RGS6: variants seen among roughly 807,000 people sequenced by gnomAD.
RGS6 encodes regulator of G protein signaling 6.
A neutral mutation model predicts 78.5 loss-of-function variants in RGS6; 30 were observed. That is an observed-to-expected ratio of 0.38 (90% CI 0.29 to 0.52). The LOEUF (loss-of-function observed/expected upper bound fraction) is 0.52, where lower values mean the gene tolerates loss of function less well. Among genes scored for constraint, RGS6 ranks in the 20% least tolerant of loss-of-function variants. RGS6 has a pLI of 0.85. For synonymous variants in RGS6, 206 were observed against 206.0 expected, an observed-to-expected ratio of 1.00 and a Z score of 0.00; for missense variants, 495 against 609.7, an observed-to-expected ratio of 0.81 and a Z score of 1.98.
intron 2 of RGS6, among the ~76,000 whole-genome samples, chr14:72,012,646 AC>A (rs2086018567): frequency 6.6e-6 from 1 of 152,136 alleles, no homozygotes; most frequent in African/African-American, 2.4e-5. Flanking sequence ...TAAAAGTAGC[AC>A]CTTCCTTTCA....
At chr14:72,172,760 C>G (rs773845479) in intron 2 of RGS6, among the ~76,000 whole-genome samples, 3 of 152,104 alleles carry the variant, frequency 2.0e-5, no homozygotes, top group African/African-American at 7.2e-5. Flanking sequence ...ACAACAGTGA[C>G]CGAAACAAAG....
chr14:72,051,928 T>C (rs8016745), intron 2 of RGS6, among the ~76,000 whole-genome samples: 40,535 of 151,922 alleles, frequency 0.27, 5,736 homozygotes, highest in Admixed American at 0.32. Context: ...TTCCTTCCTC[T>C]ATAGATTCTA....
At chr14:71,945,710 T>G (rs1444972306) in intron 1 of RGS6, among the ~76,000 whole-genome samples, 1 of 152,202 alleles carries the variant, frequency 6.6e-6, no homozygotes, top group Non-Finnish European at 1.5e-5. Context: ...TGACCTTGGA[T>G]CTCAGGGTTG....
the RGS6 span, among the ~76,000 whole-genome samples, chr14:71,906,619 G>T: frequency 3.2e-3 from 494 of 152,250 alleles, 2 homozygotes; most frequent in Admixed American, 3.6e-3. Flanking sequence ...TCTCCTCCAT[G>T]ATACAGGAGA....
At chr14:71,941,591 C>T (rs2152958371) in intron 1 of RGS6, among the ~76,000 whole-genome samples, 1 of 152,298 alleles carries the variant, frequency 6.6e-6, no homozygotes, top group East Asian at 1.9e-4. Flanking sequence ...AGTCCCAAAA[C>T]TGAAGAACTT....
Position 72,562,393 on chromosome 14 carries a change from C to G in RGS6, c.1423-24C>G, listed in dbSNP as rs1470602143. On this transcript the variant is annotated intron_variant, in intron 17 of 17. Coordinates refer to ENST00000553525, the MANE Select transcript of RGS6 (RefSeq NM_001204424.2). ...CCTCTGTGTGTGCGCCTGTGCGTGCCTCTCTGTCGCTGTCTCTCTGCAGGG... is the reference window on the plus strand; with the variant it reads ...CCTCTGTGTGTGCGCCTGTGCGTGCGTCTCTGTCGCTGTCTCTCTGCAGGG... 4 of 1,609,840 alleles carry G rather than the reference C, an allele frequency of 2.5e-6. No homozygotes were observed. In the South Asian group the frequency reaches 4.4e-5, roughly 18 times the overall value.
At chr14:71,887,305 T>C in the RGS6 span, among the ~76,000 whole-genome samples, 2 of 152,176 alleles carry the variant, frequency 1.3e-5, no homozygotes, top group Non-Finnish European at 2.9e-5. Flanking sequence ...TTGAACAATA[T>C]GAAGTCAGCG....
At chr14:72,584,808 T>C in the RGS6 span, among the ~76,000 whole-genome samples, 25 of 152,310 alleles carry the variant, frequency 1.6e-4, no homozygotes, top group East Asian at 9.7e-4. Flanking sequence ...TAATATTGGA[T>C]CATGGAGTCA....
chr14:72,445,685 A>G (rs747524206), intron 3 of RGS6, among the ~76,000 whole-genome samples: 1 of 152,228 alleles, frequency 6.6e-6, no homozygotes, highest in Non-Finnish European at 1.5e-5. Context: ...TTTGAATACA[A>G]CTATCAACGA....
chr14:71,910,978 C>A, the RGS6 span, among the ~76,000 whole-genome samples: 1 of 152,114 alleles, frequency 6.6e-6, no homozygotes, highest in Admixed American at 6.5e-5. Flanking sequence ...TGAGTCTTGT[C>A]CTTTTTTCCA....
At chr14:72,205,151 C>T (rs961820053) in intron 2 of RGS6, among the ~76,000 whole-genome samples, 5 of 152,150 alleles carry the variant, frequency 3.3e-5, no homozygotes, top group African/African-American at 9.7e-5. Context: ...AAGGAGAAGC[C>T]TCCCCTGGAC....
At chr14:72,127,373 A>G (rs1373249423) in intron 2 of RGS6, among the ~76,000 whole-genome samples, 1 of 152,200 alleles carries the variant, frequency 6.6e-6, no homozygotes, top group Non-Finnish European at 1.5e-5. Context: ...CAGTTTTTAA[A>G]TTATGAGATT....
At chr14:72,357,991 C>A (rs1254218180) in intron 3 of RGS6, among the ~76,000 whole-genome samples, 1 of 152,108 alleles carries the variant, frequency 6.6e-6, no homozygotes, top group Non-Finnish European at 1.5e-5. Context: ...ACTTAATGCC[C>A]TGTGTCCCAG....
At chr14:72,060,183 CAT>C (rs948746292) in intron 2 of RGS6, among the ~76,000 whole-genome samples, 4 of 152,086 alleles carry the variant, frequency 2.6e-5, no homozygotes, top group African/African-American at 9.7e-5. Context: ...TTTAAAATCT[CAT>C]ATGAATCAAG....
At position 72,168,249 on chromosome 14, in the gene RGS6, G is replaced by A. The variant is rs72719861; in HGVS notation, c.85-183846G>A. 6.1e-3 allele frequency among the ~76,000 whole-genome samples: 924 copies of A among 152,104 alleles called. 5 individuals are homozygous for A. The highest frequency in any genetic ancestry group is 0.01 in the Non-Finnish European group (689 of 68,002). On this transcript the variant is annotated intron_variant, in intron 2 of 17. Transcript: ENST00000553525. ...ACTCAGGTGACCCAGCCTACATGTC[G>A]AGGATCCACGTAAACACCCCTCAAA...
chr14:72,279,216 A>G (rs2061195818), intron 2 of RGS6, among the ~76,000 whole-genome samples: 1 of 152,000 alleles, frequency 6.6e-6, no homozygotes. Context: ...GTGAGGTTGG[A>G]CTGAAACTCA....
rs1159397381 is a variant in RGS6 at position 71,977,852 on chromosome 14, G to A, written c.84+12977G>A. On this transcript the variant is annotated intron_variant, in intron 2 of 17. Transcript: ENST00000553525. ...GCATTGAATCTATAAATTACCTTGG[G>A]CAGTATGGCCATTTTCACGATATTG... Among the ~76,000 whole-genome samples the A allele has an allele frequency of 5.3e-5, 8 of 152,148 alleles. No homozygotes were observed. The East Asian group carries it at 1.2e-3, about 22-fold the overall frequency.
At chr14:72,098,201 ACC>A (rs2095449112) in intron 2 of RGS6, among the ~76,000 whole-genome samples, 1 of 151,760 alleles carries the variant, frequency 6.6e-6, no homozygotes, top group African/African-American at 2.4e-5. Context: ...CTGGTTTGGG[ACC>A]CCTGTCCTCC....
At chr14:72,140,462 CT>C (rs1359185083) in intron 2 of RGS6, among the ~76,000 whole-genome samples, 2 of 152,116 alleles carry the variant, frequency 1.3e-5, no homozygotes. Flanking sequence ...GAAGCTGGTA[CT>C]AGAATCAGAA....
Sources: allele counts gnomAD v4.1 joint callset (sites outside exome capture counted in the v4.1 genomes callset), GRCh38; gene constraint gnomAD v4.1.1; transcripts MANE v1.5; gene names NCBI Gene and HGNC (gene_info 2026-07-23, HGNC 2026-07-21).